C11orf65: variants seen among roughly 807,000 people sequenced by gnomAD.
C11orf65 encodes the protein chromosome 11 open reading frame 65.
Under a neutral mutation model 35.3 loss-of-function variants are expected in C11orf65, and 38 were observed. That is an observed-to-expected ratio of 1.08 (90% CI 0.83 to 1.41). C11orf65 has a LOEUF of 1.41. C11orf65 is among the 40% of genes most tolerant of loss of function. C11orf65 has a pLI of 0.00. For missense variants in C11orf65, 370 were observed against 367.1 expected, an observed-to-expected ratio of 1.01 and a Z score of -0.06; for synonymous variants, 105 against 114.4, an observed-to-expected ratio of 0.92 and a Z score of 0.53.
Position 108,407,125 on chromosome 11 carries a change from C to T in C11orf65, c.199G>A (p.Gly67Ser). The T allele has an allele frequency of 6.2e-7, 1 of 1,608,916 alleles. No homozygotes were observed. Among genetic ancestry groups the T allele is most frequent in the Non-Finnish European group, 8.5e-7 (1 of 1,176,458 alleles). Residue 67 changes from glycine to serine, a missense_variant, in exon 4 of 9, where the codon GGC becomes AGC. Coordinates refer to ENST00000393084, the MANE Select transcript of C11orf65 (RefSeq NM_152587.5). ...KEAELLDAAA[G>S]IHVRFRLGGV... ...CCTAATCTGAATCGCACATGAATGC[C>T]AGCAGCAGCATCTAGAAGCTCTGCC... is the stretch of plus-strand genomic sequence containing the variant.
upstream of C11orf65, among the ~76,000 whole-genome samples, chr11:108,467,700 A>G (rs1255916658): frequency 6.6e-6 from 1 of 152,196 alleles, no homozygotes; most frequent in East Asian, 1.9e-4. Context: ...TTTGAGGCAA[A>G]GGATTTTGGA....
rs758609900 is a variant in C11orf65, at chr11:108,343,231, C to G, written c.227-7939G>C. On this transcript the variant is annotated intron_variant, in intron 2 of 3. Transcript: ENST00000524755. ...TAATCTGTAACTCCAGGTGGTTCCCCTCTCTCAGCGAAGTGGTGTTCTTGA... is the reference window on the plus strand; with the variant it reads ...TAATCTGTAACTCCAGGTGGTTCCCGTCTCTCAGCGAAGTGGTGTTCTTGA... 28 of 1,613,800 alleles carry G rather than the reference C, an allele frequency of 1.7e-5. No individual in the cohort carries two copies. Among genetic ancestry groups the G allele is most frequent in the Non-Finnish European group, 2.2e-5 (26 of 1,179,896 alleles).
chr11:108,459,768 C>T (rs575561511), intron 2 of C11orf65, among the ~76,000 whole-genome samples: 1 of 138,090 alleles, frequency 7.2e-6, no homozygotes, highest in Non-Finnish European at 1.6e-5. Context: ...CACACACACA[C>T]ACCTCTTTAT....
chr11:108,466,398 AC>A (rs1396657693), intron 1 of C11orf65, among the ~76,000 whole-genome samples: 1 of 152,072 alleles, frequency 6.6e-6, no homozygotes, highest in East Asian at 1.9e-4. Context: ...ATATGGTGAA[AC>A]CCTGTCTCTA....
At chr11:108,359,892 A>G (rs1029306888) in intron 2 of C11orf65, among the ~76,000 whole-genome samples, 4 of 152,188 alleles carry the variant, frequency 2.6e-5, no homozygotes, top group African/African-American at 4.8e-5. Flanking sequence ...AAGAGCTAGA[A>G]AAGGAAGAGC....
intron 3 of C11orf65, among the ~76,000 whole-genome samples, chr11:108,414,277 C>G (rs1207526313): frequency 1.3e-5 from 2 of 151,812 alleles, no homozygotes; most frequent in Non-Finnish European, 2.9e-5. Context: ...GGTTACTCTT[C>G]ATGGACATCT....
chr11:108,338,744 C>T (rs1468302502), intron 2 of C11orf65, among the ~76,000 whole-genome samples: 1 of 152,040 alleles, frequency 6.6e-6, no homozygotes, highest in East Asian at 1.9e-4. Flanking sequence ...CCTGTAAACA[C>T]AACAGTTTAG....
chr11:108,366,546 G>C (rs909239964), intron 2 of C11orf65: 4 of 229,092 alleles, frequency 1.7e-5, no homozygotes, highest in Non-Finnish European at 2.6e-5. Context: ...TTTTTGAAAA[G>C]TGAGTTTATT....
intron 3 of C11orf65, among the ~76,000 whole-genome samples, chr11:108,415,807 CACAA>C (rs2092722250): frequency 6.6e-6 from 1 of 152,108 alleles, no homozygotes; most frequent in African/African-American, 2.4e-5. Context: ...AATAGACCCA[CACAA>C]ACAGTTAACT....
intron 3 of C11orf65, among the ~76,000 whole-genome samples, chr11:108,409,639 G>T (rs952082172): frequency 6.6e-6 from 1 of 152,028 alleles, no homozygotes; most frequent in African/African-American, 2.4e-5. Context: ...TACAGCAGGG[G>T]TCCCCAACCC....
At chr11:108,467,272 C>A (rs973523113) in intron 1 of C11orf65, among the ~76,000 whole-genome samples, 199 bp downstream of exon 1, 3 of 152,022 alleles carry the variant, frequency 2.0e-5, no homozygotes, top group African/African-American at 7.2e-5. Context: ...TACTCCCGGG[C>A]AGGACTGTAA....
chr11:108,323,834 T>C (rs2136283638), intron 6 of C11orf65, among the ~76,000 whole-genome samples: 1 of 152,308 alleles, frequency 6.6e-6, no homozygotes, highest in East Asian at 1.9e-4. Flanking sequence ...TACATTCCAT[T>C]CATATACATC....
downstream of C11orf65, among the ~76,000 whole-genome samples, chr11:108,378,121 G>GA (rs1430888550): frequency 3.3e-5 from 5 of 152,108 alleles, no homozygotes; most frequent in East Asian, 7.7e-4. Flanking sequence ...CACAGAATTG[G>GA]AAAAAACTAC....
In C11orf65 at chr11:108,336,783, C is replaced by G. The variant is rs578218477; in HGVS notation, c.227-1491G>C. On this transcript the variant is annotated intron_variant, in intron 2 of 3. Coordinates refer to the C11orf65 transcript ENST00000524755. Reference sequence around the variant, plus strand: ...GTGTACCCACTTACATTTCCTCTAGCTATTTGCCTGAGAAGACAATCCTCA... The same window carrying G: ...GTGTACCCACTTACATTTCCTCTAGGTATTTGCCTGAGAAGACAATCCTCA... Among the ~76,000 whole-genome samples the G allele has an allele frequency of 3.3e-5, 5 of 152,304 alleles. No homozygotes were observed. In the South Asian group the frequency reaches 1.0e-3, roughly 32 times the overall value.
At chr11:108,374,925 G>C (rs1309982091) in intron 2 of C11orf65, among the ~76,000 whole-genome samples, 1 of 152,234 alleles carries the variant, frequency 6.6e-6, no homozygotes, top group African/African-American at 2.4e-5. Flanking sequence ...AGCGAGAAGG[G>C]AAGTTTAGAG....
At chr11:108,345,971 T>C in intron 2 of C11orf65, 1 of 1,589,194 alleles carries the variant, frequency 6.3e-7, no homozygotes, top group Admixed American at 1.7e-5. Context: ...TATTTTTGTT[T>C]GATTCAGCAC....
intron 2 of C11orf65, among the ~76,000 whole-genome samples, chr11:108,356,336 G>A (rs943456228): frequency 6.9e-4 from 105 of 152,234 alleles, no homozygotes; most frequent in Non-Finnish European, 1.9e-4. Context: ...AGGAGTTCAA[G>A]ACCAGTTTGG....
chr11:108,454,874 A>G (rs2093394383), intron 2 of C11orf65, among the ~76,000 whole-genome samples: 1 of 152,048 alleles, frequency 6.6e-6, no homozygotes, highest in Non-Finnish European at 1.5e-5. Flanking sequence ...TTTTATTTCA[A>G]TCATTTCTGC....
intron 2 of C11orf65, among the ~76,000 whole-genome samples, chr11:108,452,574 T>C (rs976062854): frequency 6.6e-6 from 1 of 152,308 alleles, no homozygotes; most frequent in East Asian, 1.9e-4. Context: ...AGTTCAACCA[T>C]TGTAGAAGAC....
Sources: allele counts gnomAD v4.1 joint callset (sites outside exome capture counted in the v4.1 genomes callset), GRCh38; gene constraint gnomAD v4.1.1; transcripts MANE v1.5; gene names NCBI Gene and HGNC (gene_info 2026-07-23, HGNC 2026-07-21).